VRTN: variants seen among roughly 807,000 people sequenced by gnomAD.
VRTN encodes the protein vertnin.
Under a neutral mutation model 18.2 loss-of-function variants are expected in VRTN, and 5 were observed. The ratio of observed to expected loss-of-function variants is 0.27; its 90% confidence interval spans 0.14 to 0.58. The LOEUF (loss-of-function observed/expected upper bound fraction) is 0.58. Among genes scored for constraint, VRTN ranks in the 20% least tolerant of loss-of-function variants. The probability of loss-of-function intolerance (pLI) is 0.91; values close to 1 mark genes in which losing one functional copy is unlikely to be tolerated. For synonymous variants in VRTN, 381 were observed against 393.7 expected (o/e 0.97, Z 0.38); for missense variants, 741 against 939.4 (o/e 0.79, Z 2.76).
intron 1 of VRTN, among the ~76,000 whole-genome samples, chr14:74,316,290 G>T (rs908259146): frequency 1.3e-5 from 2 of 152,034 alleles, no homozygotes; most frequent in Non-Finnish European, 2.9e-5. Context: ...GGCTGAGGTG[G>T]GTGGGTCATG....
intron 1 of VRTN, among the ~76,000 whole-genome samples, 187 bp from the exon 2 acceptor site, chr14:74,356,596 A>G (rs995364601): frequency 2.6e-5 from 4 of 152,242 alleles, no homozygotes; most frequent in Admixed American, 6.5e-5. Context: ...ATTCAAAGCC[A>G]GGTTCTAGAG....
upstream of VRTN, among the ~76,000 whole-genome samples, chr14:74,348,166 G>A (rs1322547049): frequency 1.3e-5 from 2 of 152,108 alleles, no homozygotes; most frequent in Non-Finnish European, 2.9e-5. Context: ...TGCAAGCCTG[G>A]CCACAGACTT....
intron 1 of VRTN, among the ~76,000 whole-genome samples, chr14:74,308,491 A>G (rs1441621690): frequency 6.6e-6 from 1 of 152,152 alleles, no homozygotes; most frequent in Non-Finnish European, 1.5e-5. Flanking sequence ...AAACCAGATC[A>G]ACAGTCCACT....
At chr14:74,307,877 C>T (rs1456788771) in intron 1 of VRTN, among the ~76,000 whole-genome samples, 1 of 151,966 alleles carries the variant, frequency 6.6e-6, no homozygotes, top group African/African-American at 2.4e-5. Flanking sequence ...CTACAGGCGT[C>T]CACCAGCACG....
upstream of VRTN, among the ~76,000 whole-genome samples, chr14:74,345,346 A>ATTTT (rs34124259): frequency 2.2e-4 from 21 of 94,650 alleles, no homozygotes; most frequent in Admixed American, 2.4e-4. Context: ...CACCCTGCCT[A>ATTTT]TTTTTTTTTT....
chr14:74,322,700 A>C (rs1361142199), intron 1 of VRTN, among the ~76,000 whole-genome samples: 19 of 152,068 alleles, frequency 1.2e-4, no homozygotes, highest in Admixed American at 1.2e-3. Context: ...TTTCTTGTCA[A>C]TGTCCTGCAG....
chr14:74,346,138 TAA>T (rs1035937568), upstream of VRTN, among the ~76,000 whole-genome samples: 2 of 142,518 alleles, frequency 1.4e-5, no homozygotes, highest in Non-Finnish European at 3.1e-5. Flanking sequence ...CTGTTTCTAT[TAA>T]AAAAAAAAAA....
intron 1 of VRTN, chr14:74,337,581 G>A (rs2085573565): frequency 6.6e-6 from 1 of 152,114 alleles, no homozygotes; most frequent in East Asian, 1.9e-4. Flanking sequence ...GAGGGCTGAA[G>A]AAATGCAACA....
intron 1 of VRTN, among the ~76,000 whole-genome samples, chr14:74,349,038 G>C (rs1401623673): frequency 1.3e-5 from 2 of 152,136 alleles, no homozygotes; most frequent in African/African-American, 4.8e-5. Context: ...TTGCCTCCTG[G>C]CACCTTAAGG....
In VRTN at chr14:74,356,923, G is replaced by A. The variant is rs147816392; in HGVS notation, c.140G>A (p.Arg47Gln). ...TCTTCCTTCACTCTCCCCACCTGCC[G>A]GGAGGGAGGCCCTGGCCTCCAGGTG... Reference protein sequence around the residue: ...VLSSFTLPTCREGGPGLQVLE... With the variant: ...VLSSFTLPTCQEGGPGLQVLE... Residue 47 changes from arginine to glutamine, a missense_variant, in exon 2 of 2, where the codon CGG (arginine) becomes CAG (glutamine). Around this residue, in one of 3 missense-constraint regions of VRTN, gnomAD observed 186 missense variants for 288.3 expected, o/e 0.65. Coordinates refer to ENST00000256362, the MANE Select transcript of VRTN (RefSeq NM_018228.3). The A allele has an allele frequency of 5.1e-5, 83 of 1,614,076 alleles. No individual in the cohort carries two copies. The highest frequency in any genetic ancestry group is 2.3e-4 in the African/African-American group (17 of 75,042).
chr14:74,353,029 G>A (rs566305053), intron 1 of VRTN, among the ~76,000 whole-genome samples: 27 of 152,190 alleles, frequency 1.8e-4, no homozygotes, highest in Non-Finnish European at 3.5e-4. Context: ...GGTGGCTCAC[G>A]CCTGTAATCC....
chr14:74,340,761 T>G (rs191978221), intron 2 of VRTN, among the ~76,000 whole-genome samples: 7 of 152,368 alleles, frequency 4.6e-5, no homozygotes, highest in Admixed American at 2.6e-4. Flanking sequence ...TTTTTATTTT[T>G]ATTTTTTGAG....
upstream of VRTN, chr14:74,303,063 G>T: frequency 3.9e-6 from 3 of 770,418 alleles, no homozygotes; most frequent in South Asian, 2.7e-5. Context: ...AGCGACCGAC[G>T]TCTCTAAAAG....
At chr14:74,309,857 T>A (rs908397607) in intron 1 of VRTN, among the ~76,000 whole-genome samples, 13 of 152,122 alleles carry the variant, frequency 8.5e-5, no homozygotes, top group Non-Finnish European at 1.5e-4. Flanking sequence ...ATGTTTTTTT[T>A]AAAAAAGGAA....
At chr14:74,322,945 C>T (rs2085465619) in intron 1 of VRTN, among the ~76,000 whole-genome samples, 1 of 151,746 alleles carries the variant, frequency 6.6e-6, no homozygotes, top group South Asian at 2.1e-4. Flanking sequence ...ACCAGCCTGG[C>T]CAAAATGGTG....
At position 74,348,498 on chromosome 14, in the gene VRTN, T is replaced by C. The variant is rs971827333; in HGVS notation, c.-156T>C. The C allele has an allele frequency of 6.6e-6, 1 of 152,242 alleles. No homozygotes were observed. Among genetic ancestry groups the C allele is most frequent in the Non-Finnish European group, 1.5e-5 (1 of 68,056 alleles). 9.4% of individuals were successfully genotyped at this position (152,242 alleles called of 1,614,324 possible). A position where few individuals can be genotyped will look rare whatever the true frequency, so the allele number is the denominator to read the frequency against. ...TTGGCTGTAGACGGTCCATGCTCAA[T>C]GGTCCTCTACAGATATGAAACTGGT... On this transcript the variant is annotated 5_prime_UTR_variant, in exon 1 of 2. An upstream start codon of the reference 5' UTR is lost. Coordinates refer to ENST00000256362, the MANE Select transcript of VRTN (RefSeq NM_018228.3).
rs1203836310 is a variant in VRTN, at chr14:74,357,136, A to G, written c.353A>G (p.Tyr118Cys). 1 of 1,598,528 alleles carries G rather than the reference A, an allele frequency of 6.3e-7. No individual in the cohort carries two copies. Among genetic ancestry groups the G allele is most frequent in the Admixed American group, 1.7e-5 (1 of 59,790 alleles). Reference protein sequence around the residue: ...TVVEMLLHRHYYLQGMIDSKV... With the variant: ...TVVEMLLHRHCYLQGMIDSKV... The stretch of plus-strand genomic sequence containing the variant: ...GTAGAGATGCTGCTGCACAGACACT[A>G]CTACCTCCAGGGCATGATCGACTCC... The change falls in exon 2 of 2, where the codon TAC (tyrosine) becomes TGC (cysteine). Residue 118 changes from tyrosine (Y) to cysteine (C), a missense_variant. Physicochemically the swap from Tyr to Cys is radical, Grantham distance 194 (BLOSUM62 -2). Coordinates refer to ENST00000256362, the MANE Select transcript of VRTN (RefSeq NM_018228.3). The surrounding 1 kb of genome is among the most constrained non-coding windows in gnomAD (Gnocchi z 7.8).
chr14:74,357,785 G>T lies in VRTN; in HGVS notation c.1002G>T (p.Gln334His), dbSNP rs1257721929. Residue 334 changes from glutamine to histidine, a missense_variant, in exon 2 of 2, where the codon CAG becomes CAT. By Grantham distance (24) the Gln-to-His change is conservative. This residue lies in a region of VRTN where 494 missense variants were observed against 546.5 expected (regional missense o/e 0.90). Coordinates refer to ENST00000256362, the MANE Select transcript of VRTN (RefSeq NM_018228.3). This position sits in a 1 kb window ranked among gnomAD's most constrained non-coding sequence, Gnocchi z 7.8. ...GGGGGGGCGTCGTGCCACTTCAGCA[G>T]TTCCTCCAGCGGTTCCCGGAGATCT... ...FHRGGVVPLQ[Q>H]FLQRFPEISR... 1 of 1,613,016 alleles carries T rather than the reference G, an allele frequency of 6.2e-7. No homozygotes were observed. Among genetic ancestry groups the T allele is most frequent in the African/African-American group, 1.3e-5 (1 of 74,932 alleles).
intron 1 of VRTN, among the ~76,000 whole-genome samples, chr14:74,306,925 C>T (rs1344880439): frequency 6.6e-6 from 1 of 151,780 alleles, no homozygotes; most frequent in East Asian, 1.9e-4. Flanking sequence ...TTTAATCTGT[C>T]TTTTTACATT....
Sources: allele counts gnomAD v4.1 joint callset (sites outside exome capture counted in the v4.1 genomes callset), GRCh38; gene constraint gnomAD v4.1.1; regional missense constraint gnomAD v4.1.1; non-coding constraint Gnocchi (gnomAD v3.1); transcripts MANE v1.5; gene names NCBI Gene and HGNC (gene_info 2026-07-23, HGNC 2026-07-21).